Variants in LUZP2 observed in about 807,000 individuals in gnomAD.
LUZP2 encodes the protein leucine zipper protein 2.
A neutral mutation model predicts 51.6 loss-of-function variants in LUZP2; 52 were observed. The ratio of observed to expected loss-of-function variants is 1.01; its 90% CI spans 0.81 to 1.27. The LOEUF (loss-of-function observed/expected upper bound fraction) is 1.27. Ranked by LOEUF, LUZP2 falls within the 50% of genes most tolerant of loss-of-function variation. LUZP2 has a pLI of 0.00. For synonymous variants in LUZP2, 154 were observed against 137.3 expected, an observed-to-expected ratio of 1.12 and a Z score of -0.85; for missense variants, 436 against 395.4, an observed-to-expected ratio of 1.10 and a Z score of -0.87.
At chr11:25,061,406 A>G (rs1208420192) in intron 10 of LUZP2, among the ~76,000 whole-genome samples, 1 of 152,190 alleles carries the variant, frequency 6.6e-6, no homozygotes, top group Non-Finnish European at 1.5e-5. Flanking sequence ...GAATATGTGT[A>G]TCTGAGAGGC....
intron 7 of LUZP2, among the ~76,000 whole-genome samples, chr11:24,953,826 T>G (rs911001362): frequency 6.6e-6 from 1 of 152,028 alleles, no homozygotes; most frequent in Admixed American, 6.6e-5. Flanking sequence ...ATTTATTCAA[T>G]GATTAGCAAA....
At chr11:24,608,660 T>C (rs1854016423) in intron 1 of LUZP2, among the ~76,000 whole-genome samples, 1 of 152,172 alleles carries the variant, frequency 6.6e-6, no homozygotes, top group African/African-American at 2.4e-5. Context: ...ATTGAGAATG[T>C]TCAGTTTATA....
intron 9 of LUZP2, among the ~76,000 whole-genome samples, chr11:25,032,388 C>A (rs1857715620): frequency 6.6e-6 from 1 of 152,118 alleles, no homozygotes; most frequent in South Asian, 2.1e-4. Flanking sequence ...GACTTAATCA[C>A]TATGAGTTTC....
intron 1 of LUZP2, among the ~76,000 whole-genome samples, chr11:24,684,479 A>G (rs75203128): frequency 2.0e-3 from 310 of 152,222 alleles, no homozygotes; most frequent in African/African-American, 7.0e-3. Context: ...CTTAGGACTA[A>G]TCCAATTTTT....
chr11:24,792,086 G>A (rs1229182906), intron 5 of LUZP2, among the ~76,000 whole-genome samples: 1 of 151,434 alleles, frequency 6.6e-6, no homozygotes, highest in Non-Finnish European at 1.5e-5. Context: ...ATAGAGAAAT[G>A]CATTTAGCTC....
intron 5 of LUZP2, among the ~76,000 whole-genome samples, chr11:24,802,077 A>T (rs1456363040): frequency 6.6e-6 from 1 of 152,040 alleles, no homozygotes; most frequent in African/African-American, 2.4e-5. Flanking sequence ...TCCTCCCTTC[A>T]TTCATTACCC....
chr11:24,736,469 G>GTCCT lies in LUZP2; in HGVS notation c.252-1701_252-1698dup, dbSNP rs61318393. 9.4e-3 allele frequency among the ~76,000 whole-genome samples: 1,382 copies of GTCCT among 146,380 alleles called. 15 individuals carry two copies. The highest frequency in any genetic ancestry group is 0.027 in the African/African-American group (1,064 of 39,256). On this transcript the variant is annotated intron_variant, in intron 3 of 11. Coordinates refer to ENST00000336930, the MANE Select transcript of LUZP2 (RefSeq NM_001009909.4). ...TTTGAGTGTTTGGGATAACATGTAGGTCCTTCCTTCCTTCCTTCCTTCCTT... is the reference window on the plus strand; with the variant it reads ...TTTGAGTGTTTGGGATAACATGTAGGTCCTTCCTTCCTTCCTTCCTTCCTTCCTT...
intron 10 of LUZP2, among the ~76,000 whole-genome samples, chr11:25,056,321 A>G (rs765507094): frequency 5.3e-5 from 8 of 152,170 alleles, no homozygotes; most frequent in Non-Finnish European, 1.2e-4. Flanking sequence ...TCTGGAATAT[A>G]GTCAGGAATT....
chr11:25,056,360 C>G (rs1858683929), intron 10 of LUZP2, among the ~76,000 whole-genome samples: 1 of 152,084 alleles, frequency 6.6e-6, no homozygotes, highest in Admixed American at 6.5e-5. Context: ...ACAGACTGAT[C>G]ATGTTAGCAT....
At position 25,078,740 on chromosome 11, in the gene LUZP2, T is replaced by G; in HGVS notation, c.*82T>G. 1 of 1,074,882 alleles carries G rather than the reference T, an allele frequency of 9.3e-7. No homozygotes were observed. Among genetic ancestry groups the G allele is most frequent in the South Asian group, 1.5e-5 (1 of 68,818 alleles). The allele number at this position is 1,074,882 out of a possible 1,614,324, so 66.6% of individuals were successfully genotyped here. On this transcript the variant is annotated 3_prime_UTR_variant, in exon 12 of 12. Transcript: ENST00000336930. Reference sequence around the variant, plus strand: ...GACCACAAGCTTGATGGAAATACTGTTTCTAAAGCATGCAACTTTTTCACA... The same window carrying G: ...GACCACAAGCTTGATGGAAATACTGGTTCTAAAGCATGCAACTTTTTCACA...
At chr11:25,041,742 T>C (rs780499355) in intron 9 of LUZP2, among the ~76,000 whole-genome samples, 16 of 152,190 alleles carry the variant, frequency 1.1e-4, no homozygotes, top group Non-Finnish European at 1.8e-4. Context: ...CCTTGAGTAT[T>C]CTTCAGCGCA....
At chr11:24,890,714 T>A (rs1207448364) in intron 5 of LUZP2, among the ~76,000 whole-genome samples, 2 of 152,146 alleles carry the variant, frequency 1.3e-5, no homozygotes, top group Non-Finnish European at 2.9e-5. Context: ...TTCATCTTTA[T>A]CCTGAGATAT....
intron 1 of LUZP2, among the ~76,000 whole-genome samples, chr11:24,531,342 G>A (rs567820894): frequency 1.4e-3 from 216 of 150,772 alleles, no homozygotes; most frequent in African/African-American, 5.0e-3. Flanking sequence ...TTTGAGTACA[G>A]TGTGATATTT....
intron 5 of LUZP2, among the ~76,000 whole-genome samples, chr11:24,888,884 C>A (rs1421119006): frequency 6.6e-6 from 1 of 152,146 alleles, no homozygotes; most frequent in East Asian, 1.9e-4. Flanking sequence ...TTCCTGCCTC[C>A]TTGTGAAGAA....
intron 1 of LUZP2, among the ~76,000 whole-genome samples, chr11:24,503,270 G>A (rs989362568): frequency 6.6e-6 from 1 of 152,158 alleles, no homozygotes; most frequent in African/African-American, 2.4e-5. Context: ...AGATTACTGT[G>A]TGAATGTGAA....
At chr11:24,701,712 C>T (rs2133911200) in intron 1 of LUZP2, 1 of 152,310 alleles carries the variant, frequency 6.6e-6, no homozygotes, top group African/African-American at 2.4e-5. Flanking sequence ...TACCTCATCC[C>T]ATTCTTTAAG....
At chr11:24,787,980 G>T (rs1340405371) in intron 5 of LUZP2, among the ~76,000 whole-genome samples, 1 of 151,694 alleles carries the variant, frequency 6.6e-6, no homozygotes, top group African/African-American at 2.4e-5. Flanking sequence ...ATTTCTTTGG[G>T]GCATTGTCCC....
At chr11:24,694,931 T>C (rs1292070694) in intron 1 of LUZP2, among the ~76,000 whole-genome samples, 1 of 137,052 alleles carries the variant, frequency 7.3e-6, no homozygotes, top group East Asian at 2.1e-4. Context: ...GGGGGCTGTG[T>C]AGGGGGCAAG....
chr11:24,778,232 C>G (rs1411844146), intron 5 of LUZP2, among the ~76,000 whole-genome samples: 1 of 151,830 alleles, frequency 6.6e-6, no homozygotes, highest in Non-Finnish European at 1.5e-5. Flanking sequence ...GAGACCTCGT[C>G]TCTGCAAAAA....
Sources: allele counts gnomAD v4.1 joint callset (sites outside exome capture counted in the v4.1 genomes callset), GRCh38; gene constraint gnomAD v4.1.1; transcripts MANE v1.5; gene names NCBI Gene and HGNC (gene_info 2026-07-23, HGNC 2026-07-21).